The following SHPRH variants were observed in gnomAD, a reference collection of about 807,000 sequenced individuals.
The protein encoded by SHPRH is SNF2 histone linker PHD RING helicase, also known as E3 ubiquitin-protein ligase SHPRH.
In SHPRH, 106 loss-of-function variants were observed where a neutral mutation model predicts 202.5. The observed-to-expected ratio is 0.52, with a 90% CI of 0.45 to 0.62. SHPRH has a LOEUF of 0.62. Among genes scored for constraint, SHPRH ranks in the 20% least tolerant of loss-of-function variants. SHPRH has a pLI of 0.00. For synonymous variants in SHPRH, 729 were observed against 686.0 expected (o/e 1.06, Z -0.98); for missense variants, 1,710 against 2,020.0 (o/e 0.85, Z 2.94).
intron 23 of SHPRH, chr6:145,917,365 C>A (rs114235089): frequency 1.3e-5 from 2 of 152,050 alleles, no homozygotes. Flanking sequence ...AGTTGAGTCA[C>A]GATTCAAAAT....
chr6:145,873,985 G>A (rs909557860), intron 2 of SHPRH, among the ~76,000 whole-genome samples: 4 of 151,990 alleles, frequency 2.6e-5, no homozygotes, highest in African/African-American at 9.7e-5. Context: ...GATCACCTGA[G>A]GTCAGGAGTT....
At position 145,947,661 on chromosome 6, in the gene SHPRH, A is replaced by G. The variant is rs1355116625; in HGVS notation, c.1062-18T>C. ...GAATGATGCTGAGGAAAAAAACAAGATAAATCACATCATAGGAATGTGAAT... is the reference window on the plus strand; with the variant it reads ...GAATGATGCTGAGGAAAAAAACAAGGTAAATCACATCATAGGAATGTGAAT... On this transcript the variant is annotated intron_variant, in intron 5 of 29. Transcript: ENST00000275233. The G allele has an allele frequency of 9.3e-6, 15 of 1,611,392 alleles. No homozygotes were observed. In the East Asian group the frequency reaches 2.9e-4, roughly 31 times the overall value.
At chr6:145,883,864 T>C (rs570719981), downstream of SHPRH, 1 of 152,158 alleles carries the variant, frequency 6.6e-6, no homozygotes, top group African/African-American at 2.4e-5. Context: ...AAATGGCACA[T>C]TGTGGGATTT....
chr6:145,913,692 A>G (rs990545131), intron 23 of SHPRH, 143 bp from the exon 24 acceptor site: 21 of 526,744 alleles, frequency 4.0e-5, no homozygotes, highest in African/African-American at 2.0e-4. Context: ...ATCGATCTCT[A>G]TATTACCTAA....
chr6:145,901,995 G>A (rs767474749), intron 25 of SHPRH, among the ~76,000 whole-genome samples: 4 of 152,084 alleles, frequency 2.6e-5, no homozygotes, highest in Admixed American at 6.6e-5. Flanking sequence ...AGGTCAACTA[G>A]AGAACTCGGA....
intron 25 of SHPRH, chr6:145,908,741 A>G (rs1054168067): frequency 2.0e-5 from 3 of 152,118 alleles, no homozygotes; most frequent in Non-Finnish European, 4.4e-5. Flanking sequence ...TTTGCTCTGC[A>G]GAAGCTCTTT....
intron 14 of SHPRH, among the ~76,000 whole-genome samples, chr6:145,929,396 C>T (rs543578237): frequency 3.3e-5 from 5 of 151,996 alleles, no homozygotes; most frequent in East Asian, 3.9e-4. Context: ...ATGTATCATA[C>T]GTATTTATTT....
In SHPRH at chr6:145,943,451, G is replaced by C; in HGVS notation, c.1930C>G (p.Pro644Ala). The change falls in exon 9 of 30, where the codon CCA (proline) becomes GCA (alanine). Residue 644 changes from proline (P) to alanine (A), a missense_variant. This residue lies in a region of SHPRH where 348 missense variants were observed against 356.9 expected (regional missense o/e 0.97). Coordinates refer to ENST00000275233, the MANE Select transcript of SHPRH (RefSeq NM_001042683.3). ...ESLNHADSDV[P>A]PSNTMSPFNT... is the part of the protein sequence containing the mutation. ...AAGGGACTCATGGTATTAGAAGGTG[G>C]TACATCACTATCAGCATGATTTAGA... is the stretch of plus-strand genomic sequence containing the variant. 1 of 1,613,964 alleles carries C rather than the reference G, an allele frequency of 6.2e-7. No homozygotes were observed. The highest frequency in any genetic ancestry group is 8.5e-7 in the Non-Finnish European group (1 of 1,179,938).
intron 18 of SHPRH, among the ~76,000 whole-genome samples, chr6:145,923,144 AG>A: frequency 6.6e-6 from 1 of 152,052 alleles, no homozygotes; most frequent in Non-Finnish European, 1.5e-5. Context: ...TTCCGTTTTA[AG>A]CCTGACTACA....
intron 25 of SHPRH, among the ~76,000 whole-genome samples, chr6:145,898,347 T>C (rs895952543): frequency 6.6e-6 from 1 of 152,014 alleles, no homozygotes; most frequent in African/African-American, 2.4e-5. Flanking sequence ...AGAACACAAA[T>C]GGAAAGACAT....
Position 145,876,385 on chromosome 6 carries a change from A to G in SHPRH, c.221+11635T>C, listed in dbSNP as rs145669268. ...TGAGAACCCATCCTCTAAAAAAAATAAAGATTTGCCTATTCTAGACATTTC... is the reference window on the plus strand; with the variant it reads ...TGAGAACCCATCCTCTAAAAAAAATGAAGATTTGCCTATTCTAGACATTTC... On this transcript the variant is annotated intron_variant, in intron 2 of 2. Transcript: ENST00000417762. Among the ~76,000 whole-genome samples the G allele has an allele frequency of 6.8e-3, 1,040 of 152,338 alleles. 6 individuals carry two copies. Among genetic ancestry groups the G allele is most frequent in the Non-Finnish European group, 9.4e-3 (642 of 68,022 alleles).
chr6:145,941,198 T>G (rs1265856228), intron 10 of SHPRH, among the ~76,000 whole-genome samples: 5 of 152,202 alleles, frequency 3.3e-5, no homozygotes, highest in Non-Finnish European at 5.9e-5. Flanking sequence ...ATTCAAAGGC[T>G]GAATCAAAAT....
At chr6:145,951,771 C>T (rs1283857915) in intron 3 of SHPRH, 1 of 455,516 alleles carries the variant, frequency 2.2e-6, no homozygotes, top group African/African-American at 2.0e-5. Context: ...TAATTTGCAC[C>T]TGAAATAATG....
At chr6:145,946,382 T>G in intron 6 of SHPRH, 41 bp from the exon 7 acceptor site, 1 of 1,468,814 alleles carries the variant, frequency 6.8e-7, no homozygotes, top group South Asian at 1.3e-5. Context: ...GTGTTTTGCT[T>G]TCAGTATTCT....
At chr6:145,904,617 A>T (rs1782785506) in intron 25 of SHPRH, 1 of 152,370 alleles carries the variant, frequency 6.6e-6, no homozygotes, top group South Asian at 2.1e-4. Flanking sequence ...GCACAAGGCA[A>T]ATGTGGCAGA....
chr6:145,867,065 A>C (rs1208098439), intron 2 of SHPRH, among the ~76,000 whole-genome samples: 1 of 152,208 alleles, frequency 6.6e-6, no homozygotes, highest in East Asian at 1.9e-4. Flanking sequence ...TATAAAATCT[A>C]AAACTTTTAA....
At chr6:145,960,890 G>T (rs752402569) in intron 1 of SHPRH, among the ~76,000 whole-genome samples, 2 of 152,102 alleles carry the variant, frequency 1.3e-5, no homozygotes, top group African/African-American at 2.4e-5. Flanking sequence ...GTGGAGAGGG[G>T]GTTGTTTAGG....
chr6:145,961,726 A>G (rs138776898), intron 1 of SHPRH, among the ~76,000 whole-genome samples: 69 of 151,922 alleles, frequency 4.5e-4, no homozygotes, highest in South Asian at 1.2e-3. Flanking sequence ...AAACTGCAGA[A>G]AAGTCAACAC....
rs1562355527 is a variant in SHPRH, at chr6:145,943,452, T to TAC, written c.1927_1928dup (p.Pro644TyrfsTer7). 6.2e-7 allele frequency: 1 copy of TAC among 1,614,030 alleles called. No individual in the cohort carries two copies. Among genetic ancestry groups the TAC allele is most frequent in the South Asian group, 1.1e-5 (1 of 91,086 alleles). On this transcript the variant is annotated frameshift_variant, in exon 9 of 30. Coordinates refer to ENST00000275233, the MANE Select transcript of SHPRH (RefSeq NM_001042683.3). LOFTEE classifies it high-confidence loss of function. ...AGGGACTCATGGTATTAGAAGGTGG[T>TAC]ACATCACTATCAGCATGATTTAGAG...
Sources: allele counts gnomAD v4.1 joint callset (sites outside exome capture counted in the v4.1 genomes callset), GRCh38; gene constraint gnomAD v4.1.1; regional missense constraint gnomAD v4.1.1; transcripts MANE v1.5; gene names NCBI Gene and HGNC (gene_info 2026-07-23, HGNC 2026-07-21).